The following FRMD4B variants were observed in gnomAD, a reference collection of about 807,000 sequenced individuals.
FRMD4B encodes FERM domain-containing protein 4B.
A neutral mutation model predicts 141.5 loss-of-function variants in FRMD4B; 74 were observed. That is an observed-to-expected ratio of 0.52 (90% CI 0.43 to 0.63). The LOEUF (loss-of-function observed/expected upper bound fraction) is 0.63. FRMD4B is among the 30% of genes least tolerant of loss of function. The probability of loss-of-function intolerance (pLI) is 0.00; values close to 1 mark genes in which losing one functional copy is unlikely to be tolerated. For synonymous variants in FRMD4B, 506 were observed against 467.9 expected (o/e 1.08, Z -1.05); for missense variants, 1,366 against 1,253.4 (o/e 1.09, Z -1.36).
chr3:69,228,250 AT>A (rs2093273116), intron 7 of FRMD4B: 24 of 439,782 alleles, frequency 5.5e-5, no homozygotes, highest in South Asian at 3.5e-4. Context: ...AATCCTGAAA[AT>A]TCTACACTAA....
chr3:69,187,480 G>C (rs1473384403), intron 19 of FRMD4B, among the ~76,000 whole-genome samples: 1 of 149,592 alleles, frequency 6.7e-6, no homozygotes, highest in Non-Finnish European at 1.5e-5. Context: ...CGGACGTTGC[G>C]GTGAGCTGGA....
intron 2 of FRMD4B, among the ~76,000 whole-genome samples, chr3:69,312,308 G>GC (rs986800144): frequency 6.6e-6 from 1 of 152,110 alleles, no homozygotes; most frequent in African/African-American, 2.4e-5. Context: ...TATTACGATG[G>GC]CTGTTGGGGA....
At chr3:69,332,931 C>T (rs141984966) in intron 1 of FRMD4B, among the ~76,000 whole-genome samples, 53 of 152,116 alleles carry the variant, frequency 3.5e-4, no homozygotes, top group African/African-American at 1.3e-3. Flanking sequence ...TTAACAAGAG[C>T]ATTCACCAAA....
At chr3:69,334,514 G>T (rs769122221) in intron 1 of FRMD4B, 2 of 151,986 alleles carry the variant, frequency 1.3e-5, no homozygotes, top group African/African-American at 4.8e-5. Flanking sequence ...GTGGGACTGG[G>T]ATTAAATGAT....
intron 1 of FRMD4B, among the ~76,000 whole-genome samples, chr3:69,333,729 G>A (rs1380737574): frequency 6.6e-6 from 1 of 151,970 alleles, no homozygotes; most frequent in Non-Finnish European, 1.5e-5. Flanking sequence ...TGTGAACGTG[G>A]TCCATTTTGC....
At chr3:69,469,024 T>C (rs1705841172) in intron 1 of FRMD4B, among the ~76,000 whole-genome samples, 1 of 152,146 alleles carries the variant, frequency 6.6e-6, no homozygotes, top group Non-Finnish European at 1.5e-5. Context: ...CAACCAGAGA[T>C]AAATTGATTT....
At chr3:69,199,752 C>T (rs777574021) in intron 11 of FRMD4B, among the ~76,000 whole-genome samples, 48 of 152,176 alleles carry the variant, frequency 3.2e-4, no homozygotes, top group Non-Finnish European at 6.2e-4. Flanking sequence ...CACTCAGTGC[C>T]GTCAGTTTGA....
At chr3:69,242,026 G>C (rs943451219) in intron 7 of FRMD4B, among the ~76,000 whole-genome samples, 1 of 152,144 alleles carries the variant, frequency 6.6e-6, no homozygotes, top group African/African-American at 2.4e-5. Flanking sequence ...ACAAATCTCA[G>C]TTTTCCTATC....
chr3:69,215,777 T>C (rs1429355307), intron 11 of FRMD4B, among the ~76,000 whole-genome samples: 3 of 152,190 alleles, frequency 2.0e-5, no homozygotes, highest in Non-Finnish European at 4.4e-5. Flanking sequence ...ATGTCTACCA[T>C]CCAATTCAAA....
intron 3 of FRMD4B, among the ~76,000 whole-genome samples, chr3:69,304,062 T>G (rs530891715): frequency 1.1e-3 from 149 of 135,208 alleles, no homozygotes; most frequent in Admixed American, 4.5e-3. Context: ...GGAGGCTGAG[T>G]TGGGAGGATT....
intron 2 of FRMD4B, among the ~76,000 whole-genome samples, chr3:69,402,639 G>T (rs956575191): frequency 7.9e-5 from 12 of 152,096 alleles, no homozygotes; most frequent in Non-Finnish European, 1.5e-5. Flanking sequence ...GGGCTGAATT[G>T]AACCAAATAT....
chr3:69,531,561 C>T (rs17006070), intron 1 of FRMD4B, among the ~76,000 whole-genome samples: 2 of 152,048 alleles, frequency 1.3e-5, no homozygotes, highest in African/African-American at 2.4e-5. Flanking sequence ...GTACATGGGG[C>T]GGAAAAAATG....
chr3:69,480,283 C>G (rs994440666), intron 1 of FRMD4B, among the ~76,000 whole-genome samples: 16 of 152,316 alleles, frequency 1.1e-4, no homozygotes, highest in Admixed American at 1.0e-3. Flanking sequence ...GAGAGGCGCT[C>G]TGCTTTTTAG....
intron 1 of FRMD4B, among the ~76,000 whole-genome samples, chr3:69,446,645 A>T (rs1055385320): frequency 4.6e-5 from 7 of 152,122 alleles, no homozygotes; most frequent in African/African-American, 1.7e-4. Flanking sequence ...GTTATTTTAG[A>T]TTAAGTTAGA....
At chr3:69,436,586 T>C (rs1306638028) in intron 1 of FRMD4B, among the ~76,000 whole-genome samples, 1 of 152,220 alleles carries the variant, frequency 6.6e-6, no homozygotes, top group African/African-American at 2.4e-5. Context: ...CAATTCCATC[T>C]CTGGGCAGAT....
chr3:69,486,106 G>A (rs1706210976), intron 1 of FRMD4B, among the ~76,000 whole-genome samples: 1 of 152,234 alleles, frequency 6.6e-6, no homozygotes. Context: ...TAGTTGCCAT[G>A]TTGGGCATAA....
chr3:69,257,706 G>A (rs1337540928), intron 5 of FRMD4B, among the ~76,000 whole-genome samples: 1 of 151,850 alleles, frequency 6.6e-6, no homozygotes, highest in East Asian at 1.9e-4. Flanking sequence ...CTGTCACCCA[G>A]GCTGGAATGC....
intron 7 of FRMD4B, among the ~76,000 whole-genome samples, chr3:69,245,844 T>G (rs1016050239): frequency 6.9e-6 from 1 of 144,852 alleles, no homozygotes; most frequent in African/African-American, 2.6e-5. Context: ...GTTTTTTTTT[T>G]TTTTTTTTTT....
At chr3:69,196,492 G>T in intron 13 of FRMD4B, 96 bp from the exon 14 acceptor site, 2 of 961,170 alleles carry the variant, frequency 2.1e-6, no homozygotes, top group Middle Eastern at 2.2e-4. Flanking sequence ...GCAACACAGA[G>T]GATAATTTAG....
Sources: gnomAD v4.1 joint callset for allele counts (sites outside exome capture counted in the v4.1 genomes callset) on GRCh38, gnomAD v4.1.1 for gene constraint, MANE v1.5 for transcripts, NCBI Gene and HGNC (gene_info 2026-07-23, HGNC 2026-07-21) for gene names.